Variants in MYO5C observed in about 807,000 individuals in gnomAD.
The protein encoded by MYO5C is myosin VC, also known as unconventional myosin-Vc.
Under a neutral mutation model 235.7 loss-of-function variants are expected in MYO5C, and 194 were observed. The ratio of observed to expected loss-of-function variants is 0.82; its 90% CI spans 0.73 to 0.93. The LOEUF (loss-of-function observed/expected upper bound fraction) is 0.93. Ranked by LOEUF, MYO5C falls within the 40% of genes least tolerant of loss-of-function variation. MYO5C has a pLI of 0.00. For synonymous variants in MYO5C, 707 were observed against 754.8 expected (o/e 0.94, Z 1.04); for missense variants, 2,038 against 2,127.2 (o/e 0.96, Z 0.82).
intron 38 of MYO5C, among the ~76,000 whole-genome samples, chr15:52,202,751 G>A (rs1035533660): frequency 6.6e-6 from 1 of 152,110 alleles, no homozygotes; most frequent in African/African-American, 2.4e-5. Flanking sequence ...GCTGTCATGA[G>A]AATTTGTGGG....
rs1291223063 is a variant in MYO5C, at chr15:52,203,097, A to AT, written c.4820+1767dup. Among the ~76,000 whole-genome samples, 3 of 151,468 alleles carry AT rather than the reference A, an allele frequency of 2.0e-5. No homozygotes were observed. In the East Asian group the frequency reaches 5.9e-4, roughly 30 times the overall value. ...CACCAGGCCTGGCTAATTTTTTTGTATTTTTAGTACAGACAGAGGTTTCAC... is the reference window on the plus strand; with the variant it reads ...CACCAGGCCTGGCTAATTTTTTTGTATTTTTTAGTACAGACAGAGGTTTCAC... On this transcript the variant is annotated intron_variant, in intron 38 of 40. Transcript: ENST00000261839.
chr15:52,197,678 C>T (rs552858747), intron 38 of MYO5C, among the ~76,000 whole-genome samples: 18 of 152,112 alleles, frequency 1.2e-4, no homozygotes, highest in Admixed American at 2.0e-4. Context: ...ATCACCCAGG[C>T]GGGAGTACAG....
At chr15:52,275,848 T>C in intron 4 of MYO5C, 130 bp from the exon 5 acceptor site, 1 of 876,114 alleles carries the variant, frequency 1.1e-6, no homozygotes, top group East Asian at 2.6e-5. Context: ...TAAATCTCAA[T>C]CAATTTCCTT....
At chr15:52,244,246 A>G (rs55845002) in intron 19 of MYO5C, 110 bp downstream of exon 19, 32 of 1,063,152 alleles carry the variant, frequency 3.0e-5, no homozygotes, top group Non-Finnish European at 4.0e-5. Context: ...GCACGTCTGC[A>G]CCCTGGGTCA....
At position 52,245,341 on chromosome 15, in the gene MYO5C, T is replaced by C; in HGVS notation, c.2178+13A>G. 1 of 1,556,108 alleles carries C rather than the reference T, an allele frequency of 6.4e-7. No homozygotes were observed. Among genetic ancestry groups the C allele is most frequent in the Non-Finnish European group, 8.9e-7 (1 of 1,127,320 alleles). On this transcript the variant is annotated intron_variant, in intron 18 of 40. Coordinates refer to ENST00000261839, the MANE Select transcript of MYO5C (RefSeq NM_018728.4). Reference sequence around the variant, plus strand: ...GGAAGGAGACCATGATCCCAGGAGGTGGGGAAACTGACCTGGATGAGTCTG... The same window carrying C: ...GGAAGGAGACCATGATCCCAGGAGGCGGGGAAACTGACCTGGATGAGTCTG...
intron 3 of MYO5C, 39 bp from the exon 4 acceptor site, chr15:52,279,056 T>G: frequency 6.4e-7 from 1 of 1,565,536 alleles, no homozygotes; most frequent in Non-Finnish European, 8.7e-7. Flanking sequence ...ATACTCTTAC[T>G]GCCACCTGCA....
chr15:52,244,725 T>C (rs1305385092), intron 18 of MYO5C, among the ~76,000 whole-genome samples, 158 bp from the exon 19 acceptor site: 4 of 152,210 alleles, frequency 2.6e-5, no homozygotes, highest in African/African-American at 9.6e-5. Flanking sequence ...ATGTATACTT[T>C]GAGTTGTTTG....
intron 1 of MYO5C, among the ~76,000 whole-genome samples, chr15:52,285,431 CCCTCT>C (rs767936607): frequency 4.7e-5 from 5 of 106,680 alleles, no homozygotes; most frequent in Admixed American, 8.4e-5. Flanking sequence ...CTCTCCCTCT[CCCTCT>C]CCCTCTCCCT....
intron 1 of MYO5C, among the ~76,000 whole-genome samples, chr15:52,287,519 A>C (rs2140871006): frequency 6.6e-6 from 1 of 152,328 alleles, no homozygotes; most frequent in South Asian, 2.1e-4. Context: ...CAGAACAATG[A>C]ATGTTAATCT....
Position 52,208,548 on chromosome 15 carries a change from C to G in MYO5C, c.4386+6G>C. The G allele has an allele frequency of 6.2e-7, 1 of 1,613,502 alleles. No homozygotes were observed. The highest frequency in any genetic ancestry group is 8.5e-7 in the Non-Finnish European group (1 of 1,179,590). ...ACAAAACAACAAGCAGGTGGGCGCCCCCTACCTCTTCTCCGCTGTACTGCT... is the reference window on the plus strand; with the variant it reads ...ACAAAACAACAAGCAGGTGGGCGCCGCCTACCTCTTCTCCGCTGTACTGCT... On this transcript the variant is annotated splice_donor_region_variant and intron_variant, in intron 36 of 40. Coordinates refer to ENST00000261839, the MANE Select transcript of MYO5C (RefSeq NM_018728.4).
chr15:52,195,114 G>A (rs578240738), intron 40 of MYO5C, among the ~76,000 whole-genome samples: 44 of 152,202 alleles, frequency 2.9e-4, no homozygotes, highest in African/African-American at 1.0e-3. Context: ...AGTATTCAAC[G>A]ATCAGTAAGA....
chr15:52,196,524 G>C, intron 38 of MYO5C, 41 bp from the exon 39 acceptor site: 1 of 1,585,622 alleles, frequency 6.3e-7, no homozygotes, highest in Non-Finnish European at 8.6e-7. Flanking sequence ...CTTTAGGGAA[G>C]GGTGCCAGAT....
intron 32 of MYO5C, among the ~76,000 whole-genome samples, chr15:52,217,448 T>C (rs770799686): frequency 2.0e-5 from 3 of 152,134 alleles, no homozygotes; most frequent in Admixed American, 6.5e-5. Flanking sequence ...GACCCACCCA[T>C]GTAGCTTCTC....
At chr15:52,287,570 G>A (rs934423595) in intron 1 of MYO5C, among the ~76,000 whole-genome samples, 2 of 152,128 alleles carry the variant, frequency 1.3e-5, no homozygotes, top group Admixed American at 6.5e-5. Context: ...CAAAAGAATT[G>A]TACATGAATT....
At chr15:52,194,082 G>C in intron 40 of MYO5C, 28 bp from the exon 41 acceptor site, 1 of 1,603,832 alleles carries the variant, frequency 6.2e-7, no homozygotes. Context: ...GGAAAAATGA[G>C]TAAGGAAACT....
intron 12 of MYO5C, among the ~76,000 whole-genome samples, chr15:52,252,644 G>A (rs1566980334): frequency 6.6e-6 from 1 of 152,014 alleles, no homozygotes. Context: ...GCATGGTGGT[G>A]TGCGCCTATA....
intron 12 of MYO5C, among the ~76,000 whole-genome samples, chr15:52,252,227 G>C (rs7165320): frequency 0.89 from 135,074 of 152,128 alleles, 60,939 homozygotes; most frequent in Non-Finnish European, 0.98. Flanking sequence ...GAAATCTAAA[G>C]GTTCAGGAAA....
intron 4 of MYO5C, chr15:52,277,809 C>T: frequency 2.2e-6 from 1 of 454,392 alleles, no homozygotes; most frequent in South Asian, 1.6e-5. Flanking sequence ...GACTGCCCAT[C>T]AGACATCTGT....
In MYO5C at chr15:52,260,915, C is replaced by T. The variant is rs761246521; in HGVS notation, c.1260G>A (p.Ala420=). Reference sequence around the variant, plus strand: ...TGTGCTGCTTGCCTGAAAACTGCAACGCTTGGTTAATTCTCTCCACAATGA... The same window carrying T: ...TGTGCTGCTTGCCTGAAAACTGCAATGCTTGGTTAATTCTCTCCACAATGA... ...FDFIVERINQ[A]LQFSGKQHTF... The change falls in exon 10 of 41, where the codon GCG becomes GCA. Residue 420 remains alanine, a synonymous_variant. Coordinates refer to ENST00000261839, the MANE Select transcript of MYO5C (RefSeq NM_018728.4). 2.8e-5 allele frequency: 46 copies of T among 1,614,080 alleles called. No homozygotes were observed. Among genetic ancestry groups the T allele is most frequent in the South Asian group, 1.5e-4 (14 of 91,090 alleles).
Sources: allele counts gnomAD v4.1 joint callset (sites outside exome capture counted in the v4.1 genomes callset), GRCh38; gene constraint gnomAD v4.1.1; transcripts MANE v1.5; gene names NCBI Gene and HGNC (gene_info 2026-07-23, HGNC 2026-07-21).